LMO7: variants seen among roughly 807,000 people sequenced by gnomAD.
The protein encoded by LMO7 is LIM domain 7, also known as LIM domain only protein 7.
Under a neutral mutation model 206.5 loss-of-function variants are expected in LMO7, and 120 were observed. The ratio of observed to expected loss-of-function variants is 0.58; its 90% CI spans 0.50 to 0.68. The LOEUF (loss-of-function observed/expected upper bound fraction) is 0.68, where lower values mean the gene tolerates loss of function less well. Ranked by LOEUF, LMO7 falls within the 30% of genes least tolerant of loss-of-function variation. The pLI, the probability that LMO7 is intolerant of heterozygous loss-of-function variation, is 0.00. For missense variants in LMO7, 1,959 were observed against 1,957.9 expected, an observed-to-expected ratio of 1.00 and a Z score of -0.01; for synonymous variants, 706 against 681.5, an observed-to-expected ratio of 1.04 and a Z score of -0.56.
At chr13:75,756,347 G>C (rs1239692337) in intron 3 of LMO7, among the ~76,000 whole-genome samples, 4 of 152,182 alleles carry the variant, frequency 2.6e-5, no homozygotes, top group African/African-American at 9.7e-5. Context: ...AGCTGAGACT[G>C]AAAGGAATAG....
chr13:75,647,398 AC>A (rs887316868), intron 1 of LMO7, among the ~76,000 whole-genome samples: 2 of 152,080 alleles, frequency 1.3e-5, no homozygotes, highest in African/African-American at 4.8e-5. Context: ...CAAGTTTTGA[AC>A]ATGTTTTTTT....
At chr13:75,850,193 A>G (rs933996570) in intron 27 of LMO7, among the ~76,000 whole-genome samples, 1 of 152,192 alleles carries the variant, frequency 6.6e-6, no homozygotes, top group Non-Finnish European at 1.5e-5. Context: ...ATAAACACAA[A>G]ACATCAATAC....
chr13:75,711,720 C>A (rs1240997622), intron 1 of LMO7, among the ~76,000 whole-genome samples: 4 of 152,238 alleles, frequency 2.6e-5, no homozygotes, highest in African/African-American at 9.6e-5. Context: ...GAGCTGTAGA[C>A]TGGAGCTGTT....
At chr13:75,626,576 A>ATATTTTTT (rs1566249065) in intron 2 of LMO7, among the ~76,000 whole-genome samples, 2 of 64,400 alleles carry the variant, frequency 3.1e-5, no homozygotes, top group Non-Finnish European at 7.0e-5. Flanking sequence ...TAACATATAT[A>ATATTTTTT]TTATATATAT....
chr13:75,845,343 A>C lies in LMO7; in HGVS notation c.4114A>C (p.Thr1372Pro). Residue 1372 changes from threonine to proline, a missense_variant, in exon 26 of 31, where the codon ACT (threonine) becomes CCT (proline). Thr to Pro is a conservative substitution (Grantham distance 38). Transcript: ENST00000377534. Reference sequence around the variant, plus strand: ...GTGTTTTAGGAATAAATCCAGATCTACTACTGAACTGGATGATTACTCCAC... The same window carrying C: ...GTGTTTTAGGAATAAATCCAGATCTCCTACTGAACTGGATGATTACTCCAC... Reference protein sequence around the residue: ...LPGDRNKSRSTTELDDYSTNK... With the variant: ...LPGDRNKSRSPTELDDYSTNK... The C allele has an allele frequency of 6.4e-7, 1 of 1,569,240 alleles. No individual in the cohort carries two copies. The highest frequency in any genetic ancestry group is 8.7e-7 in the Non-Finnish European group (1 of 1,143,172).
At chr13:75,729,573 A>G (rs2044894963) in intron 3 of LMO7, among the ~76,000 whole-genome samples, 1 of 151,478 alleles carries the variant, frequency 6.6e-6, no homozygotes, top group Admixed American at 6.6e-5. Flanking sequence ...TCATCTGCAA[A>G]CAGGGACAAT....
chr13:75,808,511 G>C (rs1257595802), intron 10 of LMO7, among the ~76,000 whole-genome samples: 1 of 152,102 alleles, frequency 6.6e-6, no homozygotes, highest in Non-Finnish European at 1.5e-5. Context: ...TCATGTTCAG[G>C]CATTTTTGTA....
At chr13:75,636,801 C>T in intron 1 of LMO7, 75 bp downstream of exon 1, 1 of 1,379,130 alleles carries the variant, frequency 7.3e-7, no homozygotes, top group Non-Finnish European at 1.0e-6. Context: ...TGACTGCAGC[C>T]CCAGTCACTC....
chr13:75,648,648 C>T (rs1328216374), intron 1 of LMO7, among the ~76,000 whole-genome samples: 1 of 152,172 alleles, frequency 6.6e-6, no homozygotes, highest in Non-Finnish European at 1.5e-5. Flanking sequence ...TAAATTCACA[C>T]GGAAGTGTAA....
chr13:75,772,417 G>A (rs915015894), intron 4 of LMO7, among the ~76,000 whole-genome samples: 1 of 152,080 alleles, frequency 6.6e-6, no homozygotes, highest in African/African-American at 2.4e-5. Flanking sequence ...TACTGCCTTT[G>A]AGTGAGTGGA....
intron 3 of LMO7, among the ~76,000 whole-genome samples, chr13:75,759,201 C>T (rs192848933): frequency 5.0e-4 from 76 of 152,244 alleles, no homozygotes; most frequent in African/African-American, 1.7e-3. Flanking sequence ...CGCCTCTCTC[C>T]CTTGGCATGC....
At position 75,858,217 on chromosome 13, in the gene LMO7, A is replaced by T; in HGVS notation, c.*274A>T. ...AGCACAAGGGAAAAAATAAGAACCT[A>T]CGAATATTTTTGAGGCAGATAATGA... On this transcript the variant is annotated 3_prime_UTR_variant, in exon 31 of 31. Transcript: ENST00000377534. 1 of 351,136 alleles carries T rather than the reference A, an allele frequency of 2.8e-6. No individual in the cohort carries two copies. Among genetic ancestry groups the T allele is most frequent in the Non-Finnish European group, 5.1e-6 (1 of 195,808 alleles). 21.8% of individuals were successfully genotyped at this position (351,136 alleles called of 1,614,324 possible).
chr13:75,776,825 G>A (rs1476827194), intron 4 of LMO7, among the ~76,000 whole-genome samples: 3 of 152,192 alleles, frequency 2.0e-5, no homozygotes, highest in African/African-American at 7.2e-5. Context: ...AGGGACACTA[G>A]TAAAGCTCTA....
chr13:75,846,026 C>T (rs528389476), intron 26 of LMO7, among the ~76,000 whole-genome samples: 1 of 152,192 alleles, frequency 6.6e-6, no homozygotes, highest in African/African-American at 2.4e-5. Context: ...TGGATAGCCA[C>T]TGCCCAGCTC....
chr13:75,718,407 C>T (rs894141180), intron 2 of LMO7, among the ~76,000 whole-genome samples: 6 of 152,150 alleles, frequency 3.9e-5, no homozygotes, highest in African/African-American at 1.4e-4. Flanking sequence ...AACATTACTT[C>T]GTAGTTAAAT....
intron 1 of LMO7, among the ~76,000 whole-genome samples, chr13:75,649,435 A>T (rs148581928): frequency 2.3e-4 from 35 of 152,346 alleles, no homozygotes; most frequent in African/African-American, 7.9e-4. Context: ...AGAGAGTAGG[A>T]TTATGAATAG....
chr13:75,626,124 C>T (rs1269885415), intron 2 of LMO7, among the ~76,000 whole-genome samples: 2 of 152,188 alleles, frequency 1.3e-5, no homozygotes, highest in African/African-American at 4.8e-5. Context: ...ATCTCCAGGC[C>T]AGTCAGTCCT....
At chr13:75,827,875 A>T (rs562235663) in intron 15 of LMO7, among the ~76,000 whole-genome samples, 2 of 152,268 alleles carry the variant, frequency 1.3e-5, no homozygotes, top group East Asian at 1.9e-4. Flanking sequence ...CCATTTCCTG[A>T]TCTCATCCCC....
At chr13:75,825,339 G>A (rs547873259) in intron 15 of LMO7, among the ~76,000 whole-genome samples, 34 of 152,208 alleles carry the variant, frequency 2.2e-4, no homozygotes, top group African/African-American at 8.2e-4. Context: ...TTTTCAAATA[G>A]CAAATTCAAC....
Sources: gnomAD v4.1 joint callset for allele counts (sites outside exome capture counted in the v4.1 genomes callset) on GRCh38, gnomAD v4.1.1 for gene constraint, MANE v1.5 for transcripts, NCBI Gene and HGNC (gene_info 2026-07-23, HGNC 2026-07-21) for gene names.